NFYA: variants seen among roughly 807,000 people sequenced by gnomAD.
NFYA encodes the protein nuclear transcription factor Y subunit alpha, also known as CAAT-box DNA binding protein subunit A.
In NFYA, 28 loss-of-function variants were observed where a neutral mutation model predicts 52.8. That is an observed-to-expected ratio of 0.53 (90% CI 0.39 to 0.73). The LOEUF (loss-of-function observed/expected upper bound fraction) is 0.73, where lower values mean the gene tolerates loss of function less well. NFYA is among the 30% of genes least tolerant of loss of function. The probability of loss-of-function intolerance (pLI) is 0.00; values close to 1 mark genes in which losing one functional copy is unlikely to be tolerated. For synonymous variants in NFYA, 150 were observed against 150.7 expected (o/e 1.00, Z 0.03); for missense variants, 234 against 427.0 (o/e 0.55, Z 3.98).
In NFYA at chr6:41,102,122, A is replaced by G. The variant is rs891159637; in HGVS notation, c.*4712A>G. On this transcript the variant is annotated 3_prime_UTR_variant, in exon 10 of 10. Coordinates refer to ENST00000341376, the MANE Select transcript of NFYA (RefSeq NM_002505.5). ...TTAGTGACATCGTGGAGCGTGAGTG[A>G]TCATTGTAGGGTAACAAGGTGTGGT... 3 of 152,238 alleles carry G rather than the reference A, an allele frequency of 2.0e-5. No homozygotes were observed. Among genetic ancestry groups the G allele is most frequent in the Admixed American group, 2.0e-4 (3 of 15,286 alleles). The allele number at this position is 152,238 out of a possible 1,614,324, so 9.4% of individuals were successfully genotyped here. A position where few individuals can be genotyped will look rare whatever the true frequency, so the allele number is the denominator to read the frequency against.
In NFYA at chr6:41,097,513, A is replaced by T. The variant is rs41273754; in HGVS notation, c.*103A>T. On this transcript the variant is annotated 3_prime_UTR_variant, in exon 10 of 10. Transcript: ENST00000341376. ...CATTGATGATCACATTCTGCCCTTT[A>T]CTACAGGACAGAAACCACTTAGTTT... 5.8e-3 allele frequency: 7,135 copies of T among 1,233,718 alleles called. 198 individuals are homozygous for T. In the South Asian group the frequency reaches 0.062, roughly 11 times the overall value. The allele number at this position is 1,233,718 out of a possible 1,614,324, so 76.4% of individuals were successfully genotyped here.
chr6:41,079,109 A>G lies in NFYA; in HGVS notation c.20A>G (p.Asn7Ser). MEQYTA[N>S]SNSSTEQIVV... ...GGGACCATGGAGCAGTATACAGCAA[A>G]CAGCAATAGTTCGACAGAGCAGATT... The change falls in exon 2 of 10, where the codon AAC becomes AGC. Residue 7 changes from asparagine (N) to serine (S), a missense_variant. Asn to Ser is a conservative substitution (Grantham distance 46, BLOSUM62 1). Transcript: ENST00000341376. 1 of 1,614,172 alleles carries G rather than the reference A, an allele frequency of 6.2e-7. No individual in the cohort carries two copies.
At chr6:41,086,903 G>C (rs1307089484) in intron 4 of NFYA, among the ~76,000 whole-genome samples, 2 of 151,870 alleles carry the variant, frequency 1.3e-5, no homozygotes, top group African/African-American at 4.8e-5. Flanking sequence ...AAGTAAACTT[G>C]GAAAATTCAA....
intron 9 of NFYA, among the ~76,000 whole-genome samples, chr6:41,096,223 A>G (rs1185975229): frequency 6.6e-6 from 1 of 152,126 alleles, no homozygotes; most frequent in Admixed American, 6.5e-5. Context: ...TCAACAATCA[A>G]ACTAGGTTTC....
Position 41,080,827 on chromosome 6 carries a change from C to A in NFYA, c.92C>A (p.Thr31Asn), listed in dbSNP as rs1422605378. Residue 31 changes from threonine (T) to asparagine (N), a missense_variant, in exon 3 of 10, where the codon ACT becomes AAT. Coordinates refer to ENST00000341376, the MANE Select transcript of NFYA (RefSeq NM_002505.5). ...TGTTCTCAGCAGCAGGGTGGTGTCACTGCTGTGCAGTTGCAGACTGAGGCC... is the reference window on the plus strand; with the variant it reads ...TGTTCTCAGCAGCAGGGTGGTGTCAATGCTGTGCAGTTGCAGACTGAGGCC... ...QIQQQQQGGV[T>N]AVQLQTEAQV... The A allele has an allele frequency of 6.2e-7, 1 of 1,613,960 alleles. No individual in the cohort carries two copies. Among genetic ancestry groups the A allele is most frequent in the South Asian group, 1.1e-5 (1 of 91,084 alleles).
intron 6 of NFYA, among the ~76,000 whole-genome samples, chr6:41,091,248 G>A (rs1403154391): frequency 1.3e-5 from 2 of 152,242 alleles, no homozygotes; most frequent in East Asian, 3.8e-4. Flanking sequence ...CTGACCTGTA[G>A]AAGAGGAGGC....
At chr6:41,094,900 C>G (rs1289464483) in intron 9 of NFYA, among the ~76,000 whole-genome samples, 1 of 152,198 alleles carries the variant, frequency 6.6e-6, no homozygotes, top group Non-Finnish European at 1.5e-5. Flanking sequence ...TCACACTTTT[C>G]TTAATTTTCA....
intron 2 of NFYA, among the ~76,000 whole-genome samples, chr6:41,080,028 C>T (rs1004761203): frequency 1.3e-5 from 2 of 152,154 alleles, no homozygotes; most frequent in African/African-American, 2.4e-5. Context: ...ACAAAGGGCC[C>T]TCCATTCACA....
Position 41,100,747 on chromosome 6 carries a change from G to T in NFYA, c.*3337G>T, listed in dbSNP as rs376503111. Among the ~76,000 whole-genome samples, 10 of 152,188 alleles carry T rather than the reference G, an allele frequency of 6.6e-5. No individual in the cohort carries two copies. The highest frequency in any genetic ancestry group is 6.5e-5 in the Admixed American group (1 of 15,286). ...TTTATCTCACACCAACGGCTTTATC[G>T]TAGGAGCGTCTTCGCCTCCCCCGTT... On this transcript the variant is annotated 3_prime_UTR_variant, in exon 10 of 10. Transcript: ENST00000341376.
At chr6:41,075,628 C>A (rs1459167291) in intron 1 of NFYA, 1 of 151,906 alleles carries the variant, frequency 6.6e-6, no homozygotes, top group African/African-American at 2.4e-5. Flanking sequence ...ATTTGTAGTA[C>A]TTCACCTTCC....
intron 5 of NFYA, 94 bp from the exon 6 acceptor site, chr6:41,090,110 T>A: frequency 1.2e-6 from 1 of 832,352 alleles, no homozygotes; most frequent in Non-Finnish European, 1.9e-6. Flanking sequence ...TGAGACTCTG[T>A]CTCAAAAAAA....
intron 9 of NFYA, among the ~76,000 whole-genome samples, chr6:41,095,763 T>C (rs1764336068): frequency 1.3e-5 from 2 of 152,240 alleles, no homozygotes; most frequent in African/African-American, 4.8e-5. Flanking sequence ...ATTTAAGTTG[T>C]TGAATTTTTC....
chr6:41,079,780 A>C (rs776971979), intron 2 of NFYA, among the ~76,000 whole-genome samples: 12 of 152,212 alleles, frequency 7.9e-5, no homozygotes, highest in Non-Finnish European at 1.0e-4. Flanking sequence ...CCCCAGAAGA[A>C]AAAAATGTAT....
chr6:41,091,754 C>T (rs1764201381), intron 7 of NFYA, 60 bp downstream of exon 7: 1 of 1,575,666 alleles, frequency 6.3e-7, no homozygotes, highest in South Asian at 1.2e-5. Flanking sequence ...CAACTTGATG[C>T]CTCCTAAAAT....
chr6:41,084,205 TA>T lies in NFYA; in HGVS notation c.309+18del. 6.2e-7 allele frequency: 1 copy of T among 1,613,110 alleles called. No individual in the cohort carries two copies. On this transcript the variant is annotated intron_variant, in intron 4 of 9. Transcript: ENST00000341376. ...GGGTTTGCAGCAAGTGAGTAATATT[TA>T]AAAATATTGAGCAGTATATCAGAGG...
chr6:41,093,149 CTT>C, intron 8 of NFYA, 64 bp downstream of exon 8: 1 of 1,437,500 alleles, frequency 7.0e-7, no homozygotes. Flanking sequence ...TTGAAATTAT[CTT>C]TTATATGGCT....
chr6:41,090,071 C>T, intron 5 of NFYA, 133 bp from the exon 6 acceptor site: 1 of 604,262 alleles, frequency 1.7e-6, no homozygotes, highest in Non-Finnish European at 2.9e-6. Context: ...GATTGCGCCA[C>T]TGCACTGCAC....
In NFYA at chr6:41,080,915, T is replaced by C; in HGVS notation, c.162+18T>C. On this transcript the variant is annotated intron_variant, in intron 3 of 9. Coordinates refer to ENST00000341376, the MANE Select transcript of NFYA (RefSeq NM_002505.5). ...TCCAGGTAGTGGTACCCTCTCTGAT[T>C]CTCTGTGAGCACTGCATGAACTTCT... 1 of 1,603,182 alleles carries C rather than the reference T, an allele frequency of 6.2e-7. No individual in the cohort carries two copies. Among genetic ancestry groups the C allele is most frequent in the Non-Finnish European group, 8.5e-7 (1 of 1,170,124 alleles).
At chr6:41,097,235 T>C in intron 9 of NFYA, 122 bp from the exon 10 acceptor site, 2 of 848,670 alleles carry the variant, frequency 2.4e-6, no homozygotes, top group Non-Finnish European at 3.9e-6. Flanking sequence ...TAAGATGTAT[T>C]ACAAGCCTTT....
Sources: gnomAD v4.1 joint callset for allele counts (sites outside exome capture counted in the v4.1 genomes callset) on GRCh38, gnomAD v4.1.1 for gene constraint, MANE v1.5 for transcripts, NCBI Gene and HGNC (gene_info 2026-07-23, HGNC 2026-07-21) for gene names.